The following NSD3 variants were observed in gnomAD, a reference collection of about 807,000 sequenced individuals.
NSD3 encodes the protein nuclear receptor binding SET domain protein 3.
A neutral mutation model predicts 160.8 loss-of-function variants in NSD3; 24 were observed. The ratio of observed to expected loss-of-function variants is 0.15; its 90% CI spans 0.11 to 0.21. The LOEUF (loss-of-function observed/expected upper bound fraction) is 0.21, where lower values mean the gene tolerates loss of function less well. NSD3 is among the 10% of genes least tolerant of loss of function. The probability of loss-of-function intolerance (pLI) is 1.00; values close to 1 mark genes in which losing one functional copy is unlikely to be tolerated. For synonymous variants in NSD3, 520 were observed against 600.0 expected (o/e 0.87, Z 1.95); for missense variants, 1,157 against 1,735.9 (o/e 0.67, Z 5.93).
chr8:38,326,659 T>C, intron 7 of NSD3, 71 bp downstream of exon 7: 2 of 1,371,384 alleles, frequency 1.5e-6, no homozygotes, highest in Non-Finnish European at 1.9e-6. Context: ...GAAACACAGC[T>C]ACCACATTAT....
At chr8:38,369,021 A>G (rs576264255) in intron 1 of NSD3, among the ~76,000 whole-genome samples, 2 of 152,196 alleles carry the variant, frequency 1.3e-5, no homozygotes, top group Non-Finnish European at 2.9e-5. Flanking sequence ...TTCCCCCAAA[A>G]AAGGCAAAAG....
rs561806218 is a variant in NSD3 at position 38,326,535 on chromosome 8, A to T, written c.1708+195T>A. On this transcript the variant is annotated intron_variant, in intron 7 of 23. Coordinates refer to ENST00000317025, the MANE Select transcript of NSD3 (RefSeq NM_023034.2). The stretch of plus-strand genomic sequence containing the variant: ...TATTATTTTAATTCTTGTACAAAAA[A>T]TAACTTGCTATGAATAAAGTTCTCT... 3.3e-4 allele frequency among the ~76,000 whole-genome samples: 51 copies of T among 152,396 alleles called. 2 individuals carry two copies. The South Asian group carries it at 9.5e-3, about 28-fold the overall frequency.
intron 14 of NSD3, chr8:38,303,174 C>T: frequency 1.1e-6 from 1 of 936,318 alleles, no homozygotes; most frequent in Non-Finnish European, 1.3e-6. Context: ...TATGTTATCA[C>T]TGCCACTCAT....
At chr8:38,367,936 T>C (rs1231620892) in intron 1 of NSD3, among the ~76,000 whole-genome samples, 1 of 152,164 alleles carries the variant, frequency 6.6e-6, no homozygotes, top group Non-Finnish European at 1.5e-5. Flanking sequence ...TGTTTTCTCT[T>C]AACTTTTTTT....
At position 38,331,580 on chromosome 8, in the gene NSD3, G is replaced by C; in HGVS notation, c.916C>G (p.Arg306Gly). 1.2e-6 allele frequency: 2 copies of C among 1,609,390 alleles called. No homozygotes were observed. The highest frequency in any genetic ancestry group is 1.7e-6 in the Non-Finnish European group (2 of 1,178,692). Residue 306 changes from arginine to glycine, a missense_variant, in exon 5 of 24, where the codon CGA becomes GGA. Around this residue, in one of 10 missense-constraint regions of NSD3, gnomAD observed 99 missense variants for 151.8 expected, o/e 0.65. Transcript: ENST00000317025. ...VHTKINTRGA[R>G]EYHVQFFSNQ... Reference sequence around the variant, plus strand: ...CTAAAAAACTGGACATGATATTCTCGGGCACCTGTAAGTAAAAATTCTTAT... The same window carrying C: ...CTAAAAAACTGGACATGATATTCTCCGGCACCTGTAAGTAAAAATTCTTAT...
At chr8:38,279,869 A>C (rs1808692220) in intron 20 of NSD3, 188 bp from the exon 21 acceptor site, 1 of 582,282 alleles carries the variant, frequency 1.7e-6, no homozygotes, top group Non-Finnish European at 2.9e-6. Flanking sequence ...CCTTCAAGTC[A>C]AAGTAATTAG....
At chr8:38,275,971 T>C in intron 23 of NSD3, 89 bp from the exon 24 acceptor site, 1 of 1,154,766 alleles carries the variant, frequency 8.7e-7, no homozygotes, top group South Asian at 1.5e-5. Flanking sequence ...TTCCTTCTTC[T>C]CTCATTGGAG....
chr8:38,346,649 A>C (rs1460849674), intron 2 of NSD3, among the ~76,000 whole-genome samples: 3 of 152,054 alleles, frequency 2.0e-5, no homozygotes, highest in Non-Finnish European at 4.4e-5. Flanking sequence ...GAGAGTCTAG[A>C]AGCATTGTGA....
chr8:38,370,862 T>C (rs1811229864), intron 1 of NSD3, among the ~76,000 whole-genome samples: 1 of 152,146 alleles, frequency 6.6e-6, no homozygotes. Context: ...TTTGGAAATA[T>C]GTATCAAAAG....
At chr8:38,343,749 C>T (rs566329837) in intron 2 of NSD3, among the ~76,000 whole-genome samples, 1 of 152,082 alleles carries the variant, frequency 6.6e-6, no homozygotes. Flanking sequence ...CAATAAAGAA[C>T]ATTTTGCATA....
intron 19 of NSD3, among the ~76,000 whole-genome samples, chr8:38,282,658 A>C (rs1018428364): frequency 7.2e-5 from 11 of 152,170 alleles, no homozygotes; most frequent in African/African-American, 2.7e-4. Flanking sequence ...GTGACAGAGC[A>C]AGGCAAGACT....
intron 1 of NSD3, 32 bp from the exon 2 acceptor site, chr8:38,348,247 T>C: frequency 6.8e-7 from 1 of 1,477,210 alleles, no homozygotes; most frequent in Non-Finnish European, 9.0e-7. Context: ...TTAGAAGGTG[T>C]TACTATTCTC....
At position 38,347,756 on chromosome 8, in the gene NSD3, A is replaced by C; in HGVS notation, c.416T>G (p.Val139Gly). 6.2e-7 allele frequency: 1 copy of C among 1,612,890 alleles called. No homozygotes were observed. Among genetic ancestry groups the C allele is most frequent in the Non-Finnish European group, 8.5e-7 (1 of 1,180,016 alleles). ...CTTCTTTGGAATCACAGTTTGTGGT[A>C]CCGAAGGAGGAGGTGGTGGCTGTGG... ...SPPQPPPPPS[V>G]PQTVIPKKTG... Residue 139 changes from valine (V) to glycine (G), a missense_variant, in exon 2 of 24, where the codon GTA becomes GGA. Coordinates refer to ENST00000317025, the MANE Select transcript of NSD3 (RefSeq NM_023034.2).
chr8:38,299,370 T>C (rs557603154), intron 15 of NSD3, 74 bp downstream of exon 15: 75 of 1,497,330 alleles, frequency 5.0e-5, no homozygotes, highest in Middle Eastern at 1.8e-4. Flanking sequence ...AGGCATACAT[T>C]TCCCCCCTAT....
chr8:38,282,068 C>G (rs967325889), intron 19 of NSD3, among the ~76,000 whole-genome samples: 1 of 152,092 alleles, frequency 6.6e-6, no homozygotes, highest in Non-Finnish European at 1.5e-5. Flanking sequence ...ACTCAGTTTC[C>G]CCAGTGGTAA....
rs377652436 is a variant in NSD3, at chr8:38,299,404, A to G, written c.2758+40T>C. 1.4e-5 allele frequency: 23 copies of G among 1,588,226 alleles called. No individual in the cohort carries two copies. In the African/African-American group the frequency reaches 2.6e-4, roughly 18 times the overall value. ...ATATTGAAAGAGAAAAAAATAGGAA[A>G]TGCAAAAATAAAAGCAAGAGAAACT... On this transcript the variant is annotated intron_variant, in intron 15 of 23. Coordinates refer to ENST00000317025, the MANE Select transcript of NSD3 (RefSeq NM_023034.2).
Position 38,315,484 on chromosome 8 carries a change from C to A in NSD3, c.2047G>T (p.Val683Leu). 1 of 1,612,840 alleles carries A rather than the reference C, an allele frequency of 6.2e-7. No individual in the cohort carries two copies. Among genetic ancestry groups the A allele is most frequent in the East Asian group, 2.2e-5 (1 of 44,830 alleles). Residue 683 changes from valine (V) to leucine (L), a missense_variant, in exon 11 of 24, where the codon GTG (valine) becomes TTG (leucine). Physicochemically the swap from Val to Leu is conservative, Grantham distance 32. Coordinates refer to ENST00000317025, the MANE Select transcript of NSD3 (RefSeq NM_023034.2). ...SATADADVSD[V>L]QSMDSSLSRR... is the part of the protein sequence containing the mutation. ...GACAAACTTGAATCCATGGACTGCA[C>A]ATCAGAAACGTCTGCATCTGCAGTA...
At chr8:38,323,899 A>G (rs1809849735) in intron 7 of NSD3, among the ~76,000 whole-genome samples, 1 of 152,042 alleles carries the variant, frequency 6.6e-6, no homozygotes, top group Admixed American at 6.5e-5. Flanking sequence ...ATAAAAGCAT[A>G]ATATTTGAGT....
intron 16 of NSD3, among the ~76,000 whole-genome samples, chr8:38,293,135 C>CAAAAA (rs1005050554): frequency 2.9e-5 from 2 of 68,514 alleles, no homozygotes; most frequent in African/African-American, 6.6e-5. Flanking sequence ...GACTTTGTCT[C>CAAAAA]AAAAAAAAAA....
Sources: gnomAD v4.1 joint callset for allele counts (sites outside exome capture counted in the v4.1 genomes callset) on GRCh38, gnomAD v4.1.1 for gene constraint, gnomAD v4.1.1 regional missense constraint, MANE v1.5 for transcripts, NCBI Gene and HGNC (gene_info 2026-07-23, HGNC 2026-07-21) for gene names.